Variants in KCNIP4 observed in about 807,000 individuals in gnomAD.
The protein encoded by KCNIP4 is Kv channel-interacting protein 4.
Under a neutral mutation model 34.0 loss-of-function variants are expected in KCNIP4, and 12 were observed. The ratio of observed to expected loss-of-function variants is 0.35; its 90% CI spans 0.23 to 0.57. KCNIP4 has a LOEUF of 0.57. Among genes scored for constraint, KCNIP4 ranks in the 20% least tolerant of loss-of-function variants. KCNIP4 has a pLI of 0.83. For synonymous variants in KCNIP4, 124 were observed against 102.2 expected, an observed-to-expected ratio of 1.21 and a Z score of -1.29; for missense variants, 238 against 311.7, an observed-to-expected ratio of 0.76 and a Z score of 1.78.
intron 1 of KCNIP4, among the ~76,000 whole-genome samples, chr4:21,881,224 C>T (rs929632882): frequency 3.3e-5 from 5 of 151,992 alleles, no homozygotes; most frequent in Admixed American, 2.6e-4. Context: ...TTGTTTTCCG[C>T]TAAAGACATT....
intron 1 of KCNIP4, among the ~76,000 whole-genome samples, chr4:20,914,138 TAAG>T (rs1468382748): frequency 6.7e-6 from 1 of 149,770 alleles, no homozygotes; most frequent in African/African-American, 2.5e-5. Flanking sequence ...GCTTGGGCAA[TAAG>T]AGCGAAACTC....
intron 1 of KCNIP4, among the ~76,000 whole-genome samples, chr4:21,611,424 A>G (rs1744149124): frequency 6.6e-6 from 1 of 152,158 alleles, no homozygotes; most frequent in Non-Finnish European, 1.5e-5. Context: ...AGCCACCTCC[A>G]TGATCCAATC....
intron 3 of KCNIP4, among the ~76,000 whole-genome samples, chr4:20,811,625 G>A (rs1195949550): frequency 1.3e-5 from 2 of 152,156 alleles, no homozygotes; most frequent in African/African-American, 4.8e-5. Flanking sequence ...AGGAGTTTGT[G>A]TTTTTAAATA....
In KCNIP4 at chr4:21,776,654, T is replaced by C. The variant is rs115844905; in HGVS notation, c.61+171917A>G. ...CCCACCCAAATCTCATCTTGAATTGTAATCCCATAATCCCTAGGTGTTGAG... is the reference window on the plus strand; with the variant it reads ...CCCACCCAAATCTCATCTTGAATTGCAATCCCATAATCCCTAGGTGTTGAG... On this transcript the variant is annotated intron_variant, in intron 1 of 8. Coordinates refer to ENST00000382152, the MANE Select transcript of KCNIP4 (RefSeq NM_025221.6). 7.5e-3 allele frequency among the ~76,000 whole-genome samples: 1,136 copies of C among 152,320 alleles called. 13 individuals are homozygous for C. Among genetic ancestry groups the C allele is most frequent in the African/African-American group, 0.026 (1,075 of 41,568 alleles).
At chr4:21,403,480 G>A (rs756765977) in intron 1 of KCNIP4, among the ~76,000 whole-genome samples, 2 of 152,060 alleles carry the variant, frequency 1.3e-5, no homozygotes, top group African/African-American at 2.4e-5. Flanking sequence ...TTAAAAATAC[G>A]TGCCAGATCT....
At position 20,850,682 on chromosome 4, in the gene KCNIP4, A is replaced by C. The variant is rs1293040360; in HGVS notation, c.164-15T>G. ...TTCCACGCTGTCTGTGGAGGAAAAC[A>C]AGAAAGAGTCTTAGGACCAGCCACT... On this transcript the variant is annotated splice_polypyrimidine_tract_variant and intron_variant, in intron 2 of 8. Coordinates refer to ENST00000382152, the MANE Select transcript of KCNIP4 (RefSeq NM_025221.6). 1 of 1,610,484 alleles carries C rather than the reference A, an allele frequency of 6.2e-7. No individual in the cohort carries two copies. The highest frequency in any genetic ancestry group is 1.7e-5 in the Admixed American group (1 of 59,584).
At chr4:20,948,692 C>A (rs111278955) in intron 1 of KCNIP4, among the ~76,000 whole-genome samples, 4 of 152,244 alleles carry the variant, frequency 2.6e-5, no homozygotes, top group African/African-American at 9.6e-5. Flanking sequence ...CTGTTAGTCA[C>A]CTTATCAACA....
At chr4:21,272,086 G>C (rs529674528) in intron 1 of KCNIP4, among the ~76,000 whole-genome samples, 2 of 152,178 alleles carry the variant, frequency 1.3e-5, no homozygotes, top group Non-Finnish European at 2.9e-5. Flanking sequence ...ATTTCGTGCA[G>C]TTTTATAGTG....
chr4:21,290,234 A>G (rs996653953), intron 1 of KCNIP4, among the ~76,000 whole-genome samples: 6 of 152,196 alleles, frequency 3.9e-5, no homozygotes, highest in African/African-American at 1.4e-4. Context: ...TTAAAGATTA[A>G]AAACAAACTC....
At chr4:20,992,518 A>AT (rs1737169265) in intron 1 of KCNIP4, among the ~76,000 whole-genome samples, 1 of 152,142 alleles carries the variant, frequency 6.6e-6, no homozygotes, top group Non-Finnish European at 1.5e-5. Context: ...AGAATATTTC[A>AT]TATAGTTCCC....
chr4:21,611,323 GAGA>G (rs1392084176), intron 1 of KCNIP4, among the ~76,000 whole-genome samples: 2 of 152,166 alleles, frequency 1.3e-5, no homozygotes, highest in Non-Finnish European at 2.9e-5. Flanking sequence ...AGGTGAGAGA[GAGA>G]AGAAGAGGAG....
At chr4:21,589,964 C>T (rs866942120) in intron 1 of KCNIP4, among the ~76,000 whole-genome samples, 1 of 151,674 alleles carries the variant, frequency 6.6e-6, no homozygotes, top group African/African-American at 2.4e-5. Context: ...AGTGATGATG[C>T]CATGTAAATT....
At chr4:20,796,397 G>A (rs1230013328) in intron 3 of KCNIP4, among the ~76,000 whole-genome samples, 2 of 151,994 alleles carry the variant, frequency 1.3e-5, no homozygotes, top group African/African-American at 2.4e-5. Context: ...TTTTAACCAC[G>A]TTTTGGGTAA....
chr4:21,187,287 A>C (rs1300889535), intron 1 of KCNIP4, among the ~76,000 whole-genome samples: 1 of 152,186 alleles, frequency 6.6e-6, no homozygotes, highest in Non-Finnish European at 1.5e-5. Context: ...AACTAAGCAA[A>C]CATGGAATTC....
rs529418062 is a variant in KCNIP4, at chr4:21,541,497, G to A, written c.61+407074C>T. Among the ~76,000 whole-genome samples the A allele has an allele frequency of 3.9e-5, 6 of 152,194 alleles. No homozygotes were observed. The East Asian group carries it at 1.2e-3, about 29-fold the overall frequency. ...AAGAATGTCAAAGGTAACCTTTAAGGAACGCTGTGCCACCTCCAGAGTCAG... is the reference window on the plus strand; with the variant it reads ...AAGAATGTCAAAGGTAACCTTTAAGAAACGCTGTGCCACCTCCAGAGTCAG... On this transcript the variant is annotated intron_variant, in intron 1 of 8. Transcript: ENST00000382152.
At chr4:21,452,044 C>A (rs934487201) in intron 1 of KCNIP4, among the ~76,000 whole-genome samples, 9 of 152,028 alleles carry the variant, frequency 5.9e-5, no homozygotes, top group Admixed American at 2.0e-4. Context: ...TTCTTCCCCC[C>A]CAACTCCGCC....
At chr4:21,927,877 G>A (rs1308463164) in intron 1 of KCNIP4, among the ~76,000 whole-genome samples, 1 of 151,918 alleles carries the variant, frequency 6.6e-6, no homozygotes, top group African/African-American at 2.4e-5. Flanking sequence ...GTGGAATGAT[G>A]ACAATACTCA....
chr4:21,055,147 G>A (rs1485317469), intron 1 of KCNIP4, among the ~76,000 whole-genome samples: 1 of 152,014 alleles, frequency 6.6e-6, no homozygotes, highest in Non-Finnish European at 1.5e-5. Context: ...TATACAGATG[G>A]GAAATAGCAT....
At chr4:21,626,870 T>C (rs2134751) in intron 1 of KCNIP4, among the ~76,000 whole-genome samples, 1 of 151,856 alleles carries the variant, frequency 6.6e-6, no homozygotes, top group South Asian at 2.1e-4. Flanking sequence ...GTTCCATTTT[T>C]TTTTTCCCCA....
Sources: allele counts gnomAD v4.1 joint callset (sites outside exome capture counted in the v4.1 genomes callset), GRCh38; gene constraint gnomAD v4.1.1; transcripts MANE v1.5; gene names NCBI Gene and HGNC (gene_info 2026-07-23, HGNC 2026-07-21).